EXOC6B: variants seen among roughly 807,000 people sequenced by gnomAD.
EXOC6B encodes SEC15 homolog B.
A neutral mutation model predicts 113.5 loss-of-function variants in EXOC6B; 54 were observed. The observed-to-expected ratio is 0.48, with a 90% CI of 0.38 to 0.60. The LOEUF is 0.60. EXOC6B is among the 20% of genes least tolerant of loss of function. The probability of loss-of-function intolerance (pLI) is 0.00; values close to 1 mark genes in which losing one functional copy is unlikely to be tolerated. For missense variants in EXOC6B, 797 were observed against 977.5 expected (o/e 0.82, Z 2.46); for synonymous variants, 357 against 339.0 (o/e 1.05, Z -0.58).
At chr2:72,750,277 A>G (rs1453255347) in intron 1 of EXOC6B, among the ~76,000 whole-genome samples, 1 of 152,136 alleles carries the variant, frequency 6.6e-6, no homozygotes. Flanking sequence ...AGTAGTTTCC[A>G]TCCTAAAACA....
chr2:72,241,936 G>A (rs1280488479), intron 20 of EXOC6B, among the ~76,000 whole-genome samples: 2 of 152,156 alleles, frequency 1.3e-5, no homozygotes, highest in Non-Finnish European at 1.5e-5. Flanking sequence ...GCCAGGTGTG[G>A]TGGCTCACAC....
intron 20 of EXOC6B, among the ~76,000 whole-genome samples, chr2:72,244,626 T>A (rs1391752168): frequency 6.6e-6 from 1 of 151,982 alleles, no homozygotes; most frequent in African/African-American, 2.4e-5. Context: ...CTTTAAAAAT[T>A]TCAATAGAAA....
chr2:72,204,872 G>C (rs943107845), intron 20 of EXOC6B, among the ~76,000 whole-genome samples: 1 of 152,158 alleles, frequency 6.6e-6, no homozygotes, highest in Admixed American at 6.5e-5. Context: ...CTGAACAAAA[G>C]AGAAAACATT....
At chr2:72,607,166 A>C (rs1670805507) in intron 6 of EXOC6B, among the ~76,000 whole-genome samples, 1 of 152,312 alleles carries the variant, frequency 6.6e-6, no homozygotes, top group African/African-American at 2.4e-5. Context: ...TCCCCAAATA[A>C]GGTTAGATTT....
At chr2:72,644,622 G>T (rs1359206094) in intron 6 of EXOC6B, among the ~76,000 whole-genome samples, 1 of 152,170 alleles carries the variant, frequency 6.6e-6, no homozygotes, top group Non-Finnish European at 1.5e-5. Flanking sequence ...GAAGAGAGTG[G>T]GGGCCAATAG....
At chr2:72,590,142 A>G (rs1039493948) in intron 6 of EXOC6B, among the ~76,000 whole-genome samples, 1 of 152,032 alleles carries the variant, frequency 6.6e-6, no homozygotes, top group Non-Finnish European at 1.5e-5. Context: ...CACTGGCTAT[A>G]TAAGTTGCTA....
At chr2:72,194,569 T>TTCTCTCTCTCTCTCTCTCTCTCTC (rs141826011) in intron 20 of EXOC6B, among the ~76,000 whole-genome samples, 3 of 143,794 alleles carry the variant, frequency 2.1e-5, no homozygotes, top group African/African-American at 8.1e-5. Context: ...GGTGAATGAT[T>TTCTCTCTCTCTCTCTCTCTCTCTC]TCTCTCTCTC....
intron 6 of EXOC6B, among the ~76,000 whole-genome samples, chr2:72,702,063 C>G (rs1467822847): frequency 6.8e-6 from 1 of 147,748 alleles, no homozygotes; most frequent in African/African-American, 2.5e-5. Context: ...CGATGCTAAC[C>G]CTCCCCCCTC....
At chr2:72,761,543 G>T (rs1018515830) in intron 1 of EXOC6B, among the ~76,000 whole-genome samples, 1 of 151,774 alleles carries the variant, frequency 6.6e-6, no homozygotes, top group Non-Finnish European at 1.5e-5. Flanking sequence ...GTTCAAAATA[G>T]ATCAAACTAA....
intron 10 of EXOC6B, 87 bp from the exon 11 acceptor site, chr2:72,513,339 C>G: frequency 6.7e-7 from 1 of 1,490,068 alleles, no homozygotes; most frequent in South Asian, 1.3e-5. Context: ...TAAGAGATAC[C>G]ATCAAATGCA....
intron 8 of EXOC6B, among the ~76,000 whole-genome samples, chr2:72,550,407 A>C (rs1703144549): frequency 6.6e-6 from 1 of 152,134 alleles, no homozygotes; most frequent in Non-Finnish European, 1.5e-5. Flanking sequence ...TATTTATTTA[A>C]AGTCCCTATA....
intron 6 of EXOC6B, among the ~76,000 whole-genome samples, chr2:72,584,741 T>C (rs1705443080): frequency 6.6e-6 from 1 of 152,150 alleles, no homozygotes; most frequent in South Asian, 2.1e-4. Flanking sequence ...ACTCCAAGAT[T>C]GATCACATTG....
At chr2:72,797,321 A>G (rs915172922) in intron 1 of EXOC6B, among the ~76,000 whole-genome samples, 3 of 152,230 alleles carry the variant, frequency 2.0e-5, no homozygotes, top group Non-Finnish European at 4.4e-5. Flanking sequence ...CTTTTCTCCG[A>G]TCCTCTCAGA....
At chr2:72,560,701 G>C (rs1224391484) in intron 7 of EXOC6B, among the ~76,000 whole-genome samples, 3 of 152,144 alleles carry the variant, frequency 2.0e-5, no homozygotes, top group Non-Finnish European at 4.4e-5. Flanking sequence ...GCACCCATGA[G>C]AGCAAAGATT....
At chr2:72,423,125 C>T (rs1222351174) in intron 18 of EXOC6B, among the ~76,000 whole-genome samples, 1 of 151,968 alleles carries the variant, frequency 6.6e-6, no homozygotes, top group Non-Finnish European at 1.5e-5. Context: ...CTCCTGAGCC[C>T]AGTGAGACCA....
At chr2:72,275,769 C>T (rs1684774906) in intron 20 of EXOC6B, among the ~76,000 whole-genome samples, 1 of 152,216 alleles carries the variant, frequency 6.6e-6, no homozygotes, top group African/African-American at 2.4e-5. Flanking sequence ...GGTAACACCT[C>T]ACAGCCATCA....
At chr2:72,328,473 CTA>C (rs1324810302) in intron 20 of EXOC6B, among the ~76,000 whole-genome samples, 1 of 151,772 alleles carries the variant, frequency 6.6e-6, no homozygotes, top group Non-Finnish European at 1.5e-5. Flanking sequence ...TGAAGAGAGA[CTA>C]TGGGGAGAAG....
chr2:72,224,036 AT>A (rs1053678826), intron 20 of EXOC6B, among the ~76,000 whole-genome samples: 1 of 151,938 alleles, frequency 6.6e-6, no homozygotes, highest in Non-Finnish European at 1.5e-5. Context: ...TTAAGCTCCA[AT>A]TTTTTTCCAG....
intron 6 of EXOC6B, among the ~76,000 whole-genome samples, chr2:72,635,767 A>G (rs1043718398): frequency 6.6e-6 from 1 of 152,222 alleles, no homozygotes; most frequent in South Asian, 2.1e-4. Context: ...CTACAAACCA[A>G]TATCCTTCAT....
Sources: allele counts gnomAD v4.1 joint callset (sites outside exome capture counted in the v4.1 genomes callset), GRCh38; gene constraint gnomAD v4.1.1; transcripts MANE v1.5; gene names NCBI Gene and HGNC (gene_info 2026-07-23, HGNC 2026-07-21).